RDH11: variants seen among roughly 807,000 people sequenced by gnomAD.
RDH11 encodes the protein HCV core-binding protein HCBP12.
Under a neutral mutation model 33.4 loss-of-function variants are expected in RDH11, and 19 were observed. The ratio of observed to expected loss-of-function variants is 0.57; its 90% CI spans 0.40 to 0.83. The LOEUF is 0.83. Among genes scored for constraint, RDH11 ranks in the 40% least tolerant of loss-of-function variants. The probability of loss-of-function intolerance (pLI) is 0.00; values close to 1 mark genes in which losing one functional copy is unlikely to be tolerated. For missense variants in RDH11, 353 were observed against 389.0 expected (o/e 0.91, Z 0.78); for synonymous variants, 154 against 155.3 (o/e 0.99, Z 0.06).
chr14:67,689,288 T>G (rs1178907251), intron 5 of RDH11, among the ~76,000 whole-genome samples: 2 of 152,246 alleles, frequency 1.3e-5, no homozygotes, highest in African/African-American at 4.8e-5. Flanking sequence ...CACCTGTGCC[T>G]GATTCCTTGA....
At chr14:67,690,725 G>A (rs562379868) in intron 4 of RDH11, 38 of 402,690 alleles carry the variant, frequency 9.4e-5, no homozygotes, top group Admixed American at 5.3e-4. Context: ...GGCTCACGCC[G>A]GTAATCTCAG....
chr14:67,680,913 T>A (rs1370453872), intron 6 of RDH11, among the ~76,000 whole-genome samples: 2 of 152,224 alleles, frequency 1.3e-5, no homozygotes, highest in Admixed American at 1.3e-4. Context: ...GATACTGGCA[T>A]AAGGACAGAC....
intron 4 of RDH11, 51 bp from the exon 5 acceptor site, chr14:67,690,472 A>C: frequency 6.5e-7 from 1 of 1,540,056 alleles, no homozygotes; most frequent in Non-Finnish European, 9.0e-7. Flanking sequence ...TAGGAATGAC[A>C]GGAGTCGTGG....
Position 67,690,324 on chromosome 14 carries a change from C to A in RDH11, c.552G>T (p.Arg184Ser), listed in dbSNP as rs755596360. 3 of 1,614,104 alleles carry A rather than the reference C, an allele frequency of 1.9e-6. No individual in the cohort carries two copies. In the East Asian group the frequency reaches 6.7e-5, roughly 36 times the overall value. Residue 184 changes from arginine (R) to serine (S), a missense_variant, in exon 5 of 7, where the codon AGG (arginine) becomes AGT (serine). By Grantham distance (110) the Arg-to-Ser change is moderately radical. Transcript: ENST00000381346. ...CGCCCTGCAGGTTATGGAAGTGGATCCTTCCCAGGTGATGTGCGAGGGAAG... is the reference window on the plus strand; with the variant it reads ...CGCCCTGCAGGTTATGGAAGTGGATACTTCCCAGGTGATGTGCGAGGGAAG... Reference protein sequence around the residue: ...NVSSLAHHLGRIHFHNLQGEK... With the variant: ...NVSSLAHHLGSIHFHNLQGEK...
intron 1 of RDH11, among the ~76,000 whole-genome samples, chr14:67,694,443 TATATATATACACACACACACAC>T (rs1566831599): frequency 1.4e-5 from 2 of 139,504 alleles, no homozygotes; most frequent in Admixed American, 7.6e-5. Context: ...TATATATATA[TATATATATACACACACACACAC>T]ATATATATAT....
At position 67,692,477 on chromosome 14, in the gene RDH11, T is replaced by C. The variant is rs751828018; in HGVS notation, c.310A>G (p.Thr104Ala). Residue 104 changes from threonine to alanine, a missense_variant, in exon 3 of 7, where the codon ACT (threonine) becomes GCT (alanine). By Grantham distance (58) the Thr-to-Ala change is moderately conservative. Coordinates refer to ENST00000381346, the MANE Select transcript of RDH11 (RefSeq NM_016026.4). ...VLVRKLDLSD[T>A]KSIRAFAKGF... ...TTAGCAAAAGCTCGAATAGACTTAG[T>C]ATCAGACAGGTCCAGTTTCCGCACC... 3.7e-6 allele frequency: 6 copies of C among 1,614,066 alleles called. No individual in the cohort carries two copies. In the Admixed American group the frequency reaches 1.0e-4, roughly 27 times the overall value.
Position 67,690,342 on chromosome 14 carries a change from G to A in RDH11, c.534C>T (p.Leu178=), listed in dbSNP as rs778179666. The change falls in exon 5 of 7, where the codon CTC becomes CTT. Residue 178 remains leucine (L), a synonymous_variant. Transcript: ENST00000381346. The part of the protein sequence containing the change: ...APSRIVNVSS[L]AHHLGRIHFH... ...AGTGGATCCTTCCCAGGTGATGTGC[G>A]AGGGAAGACACATTTACTATCCTTG... is the stretch of plus-strand genomic sequence containing the variant. 1.5e-5 allele frequency: 24 copies of A among 1,614,086 alleles called. No homozygotes were observed. Among genetic ancestry groups the A allele is most frequent in the Middle Eastern group, 3.3e-4 (2 of 6,060 alleles).
intron 5 of RDH11, 61 bp downstream of exon 5, chr14:67,690,151 C>T: frequency 1.4e-6 from 2 of 1,471,912 alleles, no homozygotes; most frequent in East Asian, 4.5e-5. Context: ...GTTTCCATTC[C>T]TGTGGCTTTT....
chr14:67,685,598 C>T (rs1323581813), intron 5 of RDH11, among the ~76,000 whole-genome samples: 1 of 152,094 alleles, frequency 6.6e-6, no homozygotes, highest in Non-Finnish European at 1.5e-5. Context: ...ATTAGGATTA[C>T]AGGCATGAGC....
Position 67,685,062 on chromosome 14 carries a change from G to A in RDH11, c.807C>T (p.His269=), listed in dbSNP as rs765191328. The change falls in exon 6 of 7, where the codon CAC becomes CAT. Residue 269 remains histidine, a synonymous_variant. Transcript: ENST00000381346. ...TPQQGAQTSL[H]CALTEGLEIL... ...TCTCAAGACCTTCTGTTAAGGCACAGTGCAGGCTGGTCTGGGCTCCCTGCT... is the reference window on the plus strand; with the variant it reads ...TCTCAAGACCTTCTGTTAAGGCACAATGCAGGCTGGTCTGGGCTCCCTGCT... 5.0e-5 allele frequency: 81 copies of A among 1,614,022 alleles called. 2 individuals are homozygous for A. In the South Asian group the frequency reaches 8.3e-4, roughly 17 times the overall value.
Position 67,684,127 on chromosome 14 carries a change from TAAAGCACAGA to T in RDH11, c.854+878_854+887del, listed in dbSNP as rs530646492. Among the ~76,000 whole-genome samples, 258 of 152,324 alleles carry T rather than the reference TAAAGCACAGA, an allele frequency of 1.7e-3. 2 individuals are homozygous for T. Among genetic ancestry groups the T allele is most frequent in the Admixed American group, 4.4e-3 (68 of 15,298 alleles). ...TTATTCATTCATGAAACAAAGTTGC[TAAAGCACAGA>T]CCAGATTTTGTCTGTCTACTGAAAC... On this transcript the variant is annotated intron_variant, in intron 6 of 6. Coordinates refer to ENST00000381346, the MANE Select transcript of RDH11 (RefSeq NM_016026.4).
Position 67,677,416 on chromosome 14 carries a change from C to T in RDH11, c.*905G>A, listed in dbSNP as rs1173330259. The T allele has an allele frequency of 3.9e-5, 4 of 102,016 alleles. No homozygotes were observed. The highest frequency in any genetic ancestry group is 3.4e-4 in the South Asian group (1 of 2,918). The allele number at this position is 102,016 out of a possible 1,614,324, so 6.3% of individuals were successfully genotyped here. A position where few individuals can be genotyped will look rare whatever the true frequency, so the allele number is the denominator to read the frequency against. On this transcript the variant is annotated 3_prime_UTR_variant, in exon 7 of 7. Transcript: ENST00000381346. ...TTGCCACACTGGTTTTTGTTAAGACCTCATCAGTCCTGGGTGCTTGCCCTC... is the reference window on the plus strand; with the variant it reads ...TTGCCACACTGGTTTTTGTTAAGACTTCATCAGTCCTGGGTGCTTGCCCTC...
At chr14:67,693,979 A>G (rs1302181604) in intron 1 of RDH11, among the ~76,000 whole-genome samples, 1 of 152,140 alleles carries the variant, frequency 6.6e-6, no homozygotes, top group East Asian at 1.9e-4. Flanking sequence ...GTACTATACT[A>G]TATTGCCTTT....
chr14:67,691,267 C>T (rs2037747006), intron 3 of RDH11, 23 bp from the exon 4 acceptor site: 5 of 1,563,402 alleles, frequency 3.2e-6, no homozygotes, highest in East Asian at 2.2e-5. Context: ...GACGATGGAG[C>T]GTGGAAGTGG....
Position 67,685,056 on chromosome 14 carries a change from G to A in RDH11, c.813C>T (p.Ala271=), listed in dbSNP as rs1459964401. The stretch of plus-strand genomic sequence containing the variant: ...TTAGAATCTCAAGACCTTCTGTTAA[G>A]GCACAGTGCAGGCTGGTCTGGGCTC... The part of the protein sequence containing the change: ...QQGAQTSLHC[A]LTEGLEILSG... Residue 271 remains alanine, a synonymous_variant, in exon 6 of 7, where the codon GCC becomes GCT. Coordinates refer to ENST00000381346, the MANE Select transcript of RDH11 (RefSeq NM_016026.4). 6.2e-7 allele frequency: 1 copy of A among 1,613,638 alleles called. No individual in the cohort carries two copies.
rs750658614 is a variant in RDH11, at chr14:67,691,192, C to T, written c.402G>A (p.Pro134=). Residue 134 remains proline, a synonymous_variant, in exon 4 of 7, where the codon CCG becomes CCA. Coordinates refer to ENST00000381346, the MANE Select transcript of RDH11 (RefSeq NM_016026.4). ...LINNAGVMMC[P]YSKTADGFEM... is the part of the protein sequence containing the mutation. ...CAAAGCCATCTGCTGTCTTCGAGTACGGACACATCATCACTCCTGCATTGT... is the reference window on the plus strand; with the variant it reads ...CAAAGCCATCTGCTGTCTTCGAGTATGGACACATCATCACTCCTGCATTGT... 2 of 1,614,028 alleles carry T rather than the reference C, an allele frequency of 1.2e-6. No homozygotes were observed. Among genetic ancestry groups the T allele is most frequent in the Admixed American group, 1.7e-5 (1 of 60,028 alleles).
chr14:67,690,478 C>T (rs1205134864), intron 4 of RDH11, 57 bp from the exon 5 acceptor site: 2 of 1,490,068 alleles, frequency 1.3e-6, no homozygotes, highest in South Asian at 1.1e-5. Flanking sequence ...TGACAGGAGT[C>T]GTGGTGAGCA....
intron 4 of RDH11, chr14:67,690,774 G>T: frequency 2.6e-6 from 1 of 382,600 alleles, no homozygotes; most frequent in Non-Finnish European, 4.8e-6. Context: ...CCTGAGGCCA[G>T]GAGTTTAAGT....
rs1289009374 is a variant in RDH11, at chr14:67,687,762, C to T, written c.664+2450G>A. On this transcript the variant is annotated intron_variant, in intron 5 of 6. Coordinates refer to ENST00000381346, the MANE Select transcript of RDH11 (RefSeq NM_016026.4). The stretch of plus-strand genomic sequence containing the variant: ...CTGGGATTACAAGCATGAGCCACCA[C>T]GTCCGGCCCTTTTTTTTTTTCATTT... 2.7e-5 allele frequency among the ~76,000 whole-genome samples: 4 copies of T among 150,846 alleles called. No individual in the cohort carries two copies. In the South Asian group the frequency reaches 6.3e-4, roughly 24 times the overall value.
Sources: allele counts gnomAD v4.1 joint callset (sites outside exome capture counted in the v4.1 genomes callset), GRCh38; gene constraint gnomAD v4.1.1; transcripts MANE v1.5; gene names NCBI Gene and HGNC (gene_info 2026-07-23, HGNC 2026-07-21).